The following ARMC8 variants were observed in gnomAD, a reference collection of about 807,000 sequenced individuals.
ARMC8 encodes armadillo repeat-containing protein 8.
Under a neutral mutation model 99.3 loss-of-function variants are expected in ARMC8, and 20 were observed. The observed-to-expected ratio is 0.20, with a 90% CI of 0.14 to 0.29. The LOEUF (loss-of-function observed/expected upper bound fraction) is 0.29. Among genes scored for constraint, ARMC8 ranks in the 10% least tolerant of loss-of-function variants. ARMC8 has a pLI of 1.00. For missense variants in ARMC8, 569 were observed against 809.5 expected, an observed-to-expected ratio of 0.70 and a Z score of 3.60; for synonymous variants, 263 against 278.3, an observed-to-expected ratio of 0.95 and a Z score of 0.55.
intron 5 of ARMC8, among the ~76,000 whole-genome samples, chr3:138,227,651 C>A (rs2108102843): frequency 6.6e-6 from 1 of 152,220 alleles, no homozygotes; most frequent in African/African-American, 2.4e-5. Flanking sequence ...AAGGAAAATC[C>A]CAAATCTTAT....
intron 2 of ARMC8, among the ~76,000 whole-genome samples, chr3:138,214,159 T>TA (rs58183163): frequency 0.068 from 9,539 of 139,728 alleles, 977 homozygotes; most frequent in African/African-American, 0.23. Context: ...TTGTTTTGTT[T>TA]AAAAAAAAAA....
intron 6 of ARMC8, among the ~76,000 whole-genome samples, chr3:138,229,453 A>G (rs957098373): frequency 1.3e-5 from 2 of 151,542 alleles, no homozygotes; most frequent in African/African-American, 4.8e-5. Flanking sequence ...ACAGTGCTGC[A>G]AAAAATACCT....
chr3:138,196,792 G>A (rs914846758), intron 1 of ARMC8, among the ~76,000 whole-genome samples: 1 of 152,052 alleles, frequency 6.6e-6, no homozygotes, highest in Middle Eastern at 3.2e-3. Flanking sequence ...GCTTGAACCC[G>A]GGAGGCAGAG....
At chr3:138,263,673 A>G (rs1232558039) in intron 12 of ARMC8, 66 bp from the exon 13 acceptor site, 12 of 1,315,888 alleles carry the variant, frequency 9.1e-6, no homozygotes, top group East Asian at 2.3e-5. Flanking sequence ...ACATACTTGC[A>G]TTTACAAGCA....
intron 19 of ARMC8, among the ~76,000 whole-genome samples, chr3:138,288,435 A>C (rs184779852): frequency 6.6e-6 from 1 of 152,160 alleles, no homozygotes; most frequent in Non-Finnish European, 1.5e-5. Flanking sequence ...TGCAAACTGT[A>C]CCCATAGCCC....
At chr3:138,244,492 A>G (rs1406080956) in intron 11 of ARMC8, among the ~76,000 whole-genome samples, 1 of 152,084 alleles carries the variant, frequency 6.6e-6, no homozygotes, top group African/African-American at 2.4e-5. Flanking sequence ...GTTAGCCAGG[A>G]TGGTCTAGAT....
At chr3:138,199,981 C>T (rs2043956476) in intron 1 of ARMC8, among the ~76,000 whole-genome samples, 1 of 152,130 alleles carries the variant, frequency 6.6e-6, no homozygotes, top group Non-Finnish European at 1.5e-5. Flanking sequence ...TTCTGGGGCT[C>T]CCAGTTGACC....
At chr3:138,240,256 G>A (rs1053744801) in intron 10 of ARMC8, among the ~76,000 whole-genome samples, 3 of 152,156 alleles carry the variant, frequency 2.0e-5, no homozygotes, top group Admixed American at 1.3e-4. Flanking sequence ...TTGATGATGT[G>A]TCATTTTATA....
chr3:138,224,254 G>A (rs927410532), intron 5 of ARMC8, among the ~76,000 whole-genome samples: 1 of 151,272 alleles, frequency 6.6e-6, no homozygotes, highest in Middle Eastern at 3.2e-3. Flanking sequence ...CACTGCGCCC[G>A]ACAACAAGAC....
intron 1 of ARMC8, among the ~76,000 whole-genome samples, chr3:138,191,641 C>G (rs2043389736): frequency 6.6e-6 from 1 of 152,178 alleles, no homozygotes; most frequent in African/African-American, 2.4e-5. Flanking sequence ...TCTTTATAGT[C>G]CCACCTACCC....
intron 1 of ARMC8, among the ~76,000 whole-genome samples, chr3:138,206,780 T>A (rs142551059): frequency 6.3e-4 from 96 of 152,306 alleles, no homozygotes; most frequent in Non-Finnish European, 1.1e-3. Flanking sequence ...AATGAATACA[T>A]TAGACAAAAG....
intron 18 of ARMC8, among the ~76,000 whole-genome samples, 169 bp downstream of exon 18, chr3:138,274,713 T>G (rs922284436): frequency 1.3e-5 from 2 of 152,198 alleles, no homozygotes; most frequent in African/African-American, 4.8e-5. Context: ...TCTTTAAGAC[T>G]TCTTCCTGAA....
At chr3:138,214,645 T>A (rs972234807) in intron 2 of ARMC8, among the ~76,000 whole-genome samples, 3 of 152,178 alleles carry the variant, frequency 2.0e-5, no homozygotes, top group African/African-American at 7.2e-5. Flanking sequence ...CTTCTCCTAA[T>A]ACATTTAATC....
intron 12 of ARMC8, among the ~76,000 whole-genome samples, chr3:138,254,523 T>C (rs1184780936): frequency 6.6e-6 from 1 of 152,226 alleles, no homozygotes; most frequent in Non-Finnish European, 1.5e-5. Context: ...GATGGAAGTC[T>C]CAGTTGTTTG....
At chr3:138,252,484 C>T (rs989449762) in intron 12 of ARMC8, among the ~76,000 whole-genome samples, 6 of 144,946 alleles carry the variant, frequency 4.1e-5, no homozygotes, top group East Asian at 2.0e-4. Flanking sequence ...GACGGGGTCT[C>T]GCACTGTCGC....
intron 6 of ARMC8, among the ~76,000 whole-genome samples, chr3:138,233,267 C>T (rs1018706960): frequency 6.6e-6 from 1 of 152,122 alleles, no homozygotes; most frequent in Non-Finnish European, 1.5e-5. Flanking sequence ...AAAACCAATG[C>T]CCTGAGAATG....
At chr3:138,253,913 G>A (rs1412241623) in intron 12 of ARMC8, among the ~76,000 whole-genome samples, 1 of 152,152 alleles carries the variant, frequency 6.6e-6, no homozygotes, top group Non-Finnish European at 1.5e-5. Flanking sequence ...AGATATGACT[G>A]TAATTGAAAT....
chr3:138,239,176 C>T, intron 9 of ARMC8: 1 of 293,558 alleles, frequency 3.4e-6, no homozygotes, highest in Non-Finnish European at 6.3e-6. Flanking sequence ...TGCCCAGCAC[C>T]TAGCCTCAAA....
intron 2 of ARMC8, among the ~76,000 whole-genome samples, chr3:138,215,876 T>A (rs2045002053): frequency 6.6e-6 from 1 of 151,830 alleles, no homozygotes; most frequent in Admixed American, 6.6e-5. Flanking sequence ...ATTGTTTTTT[T>A]TTGAGACAGA....
Sources: gnomAD v4.1 joint callset for allele counts (sites outside exome capture counted in the v4.1 genomes callset) on GRCh38, gnomAD v4.1.1 for gene constraint, MANE v1.5 for transcripts, NCBI Gene and HGNC (gene_info 2026-07-23, HGNC 2026-07-21) for gene names.